The following SPACA1 variants were observed in gnomAD, a reference collection of about 807,000 sequenced individuals.
SPACA1 encodes sperm acrosome membrane-associated protein 1.
In SPACA1, 17 loss-of-function variants were observed where a neutral mutation model predicts 32.6. The observed-to-expected ratio is 0.52, with a 90% CI of 0.36 to 0.78. The LOEUF (loss-of-function observed/expected upper bound fraction) is 0.78, where lower values mean the gene tolerates loss of function less well. SPACA1 is among the 30% of genes least tolerant of loss of function. The pLI is 0.01. For synonymous variants in SPACA1, 140 were observed against 138.1 expected (o/e 1.01, Z -0.10); for missense variants, 363 against 373.4 (o/e 0.97, Z 0.23).
chr6:88,054,335 A>G (rs115490464), intron 2 of SPACA1, among the ~76,000 whole-genome samples: 1 of 151,552 alleles, frequency 6.6e-6, no homozygotes, highest in Non-Finnish European at 1.5e-5. Context: ...ATGTCTTCCC[A>G]CATATTGTGT....
intron 4 of SPACA1, among the ~76,000 whole-genome samples, chr6:88,059,032 A>C (rs1775851587): frequency 6.6e-6 from 1 of 152,244 alleles, no homozygotes; most frequent in Non-Finnish European, 1.5e-5. Flanking sequence ...CTATAATCAG[A>C]ACTTTAAAAC....
At chr6:88,062,922 G>T (rs1775917918) in intron 5 of SPACA1, among the ~76,000 whole-genome samples, 1 of 152,160 alleles carries the variant, frequency 6.6e-6, no homozygotes. Context: ...TTTTAGGAAA[G>T]AAATATAGGA....
At chr6:88,047,742 C>T, upstream of SPACA1, 1 of 715,094 alleles carries the variant, frequency 1.4e-6, no homozygotes, top group Non-Finnish European at 2.2e-6. Context: ...GTTCCAGGCG[C>T]TCAGCACCGG....
chr6:88,047,669 C>CT (rs1775658089), upstream of SPACA1: 3 of 508,434 alleles, frequency 5.9e-6, no homozygotes, highest in East Asian at 3.2e-5. Context: ...CTCCTAGGGA[C>CT]TTGTCGCACG....
At chr6:88,055,994 C>A (rs1034701035) in intron 2 of SPACA1, among the ~76,000 whole-genome samples, 1 of 151,850 alleles carries the variant, frequency 6.6e-6, no homozygotes, top group Non-Finnish European at 1.5e-5. Flanking sequence ...CAAACAACAA[C>A]AAAAAACCTG....
intron 1 of SPACA1, among the ~76,000 whole-genome samples, chr6:88,052,064 A>G (rs1775735625): frequency 6.6e-6 from 1 of 152,252 alleles, no homozygotes; most frequent in African/African-American, 2.4e-5. Context: ...AGAAATTTTG[A>G]CAAATGCCAA....
intron 3 of SPACA1, among the ~76,000 whole-genome samples, chr6:88,058,007 G>C (rs1332421724): frequency 2.0e-5 from 3 of 152,132 alleles, no homozygotes; most frequent in Non-Finnish European, 4.4e-5. Context: ...AAATGCTTTT[G>C]ATGCTTTGGT....
intron 5 of SPACA1, 40 bp downstream of exon 5, chr6:88,059,628 T>A (rs2127800816): frequency 6.4e-7 from 1 of 1,559,066 alleles, no homozygotes; most frequent in Non-Finnish European, 8.7e-7. Context: ...TATATGCCAA[T>A]CTTTAAAGAG....
intron 4 of SPACA1, 26 bp from the exon 5 acceptor site, chr6:88,059,427 T>G: frequency 6.4e-7 from 1 of 1,559,124 alleles, no homozygotes; most frequent in Non-Finnish European, 8.7e-7. Flanking sequence ...ATGTTGATAC[T>G]TTGTTATTTT....
intron 5 of SPACA1, among the ~76,000 whole-genome samples, chr6:88,062,921 A>G (rs550019978): frequency 6.6e-6 from 1 of 152,236 alleles, no homozygotes; most frequent in Non-Finnish European, 1.5e-5. Context: ...GTTTTAGGAA[A>G]GAAATATAGG....
At position 88,049,953 on chromosome 6, in the gene SPACA1, G is replaced by A. The variant is rs577919015; in HGVS notation, c.208+1840G>A. On this transcript the variant is annotated intron_variant, in intron 1 of 6. Coordinates refer to ENST00000237201, the MANE Select transcript of SPACA1 (RefSeq NM_030960.3). ...AACCAACACTTTTGAAAACTACAAA[G>A]GCATATATTTTGTTGAAGAGAAAGC... 2.0e-5 allele frequency among the ~76,000 whole-genome samples: 3 copies of A among 152,128 alleles called. No individual in the cohort carries two copies. In the East Asian group the frequency reaches 5.8e-4, roughly 29 times the overall value.
chr6:88,049,619 AT>A (rs377676930), intron 1 of SPACA1, among the ~76,000 whole-genome samples: 19 of 151,770 alleles, frequency 1.3e-4, no homozygotes, highest in South Asian at 2.1e-4. Context: ...TGGACCTTTA[AT>A]TTTTTTTTAG....
chr6:88,060,897 T>C (rs1582274323), intron 5 of SPACA1, among the ~76,000 whole-genome samples: 1 of 152,200 alleles, frequency 6.6e-6, no homozygotes, highest in East Asian at 1.9e-4. Context: ...GACCCTAAAA[T>C]GTCAGGCCTT....
In SPACA1 at chr6:88,058,868, A is replaced by C. The variant is rs1280309516; in HGVS notation, c.474+46A>C. ...ACCTGGTGCTTTCTAGTGAGTGATA[A>C]AATTTGTTTCTCAGTTCTGATGGCT... On this transcript the variant is annotated intron_variant, in intron 4 of 6. Coordinates refer to ENST00000237201, the MANE Select transcript of SPACA1 (RefSeq NM_030960.3). The C allele has an allele frequency of 3.7e-6, 5 of 1,358,138 alleles. No individual in the cohort carries two copies. In the East Asian group the frequency reaches 9.6e-5, roughly 26 times the overall value. 84.1% of individuals were successfully genotyped at this position (1,358,138 alleles called of 1,614,324 possible).
At chr6:88,053,685 T>C (rs191949855) in intron 1 of SPACA1, among the ~76,000 whole-genome samples, 211 of 152,320 alleles carry the variant, frequency 1.4e-3, no homozygotes, top group African/African-American at 4.8e-3. Flanking sequence ...GAAAAACATT[T>C]TTAAGGTATA....
intron 1 of SPACA1, among the ~76,000 whole-genome samples, chr6:88,051,677 A>C (rs1448572738): frequency 6.6e-6 from 1 of 152,226 alleles, no homozygotes; most frequent in Non-Finnish European, 1.5e-5. Context: ...TATCAAATTA[A>C]GACCACCCAT....
Position 88,059,459 on chromosome 6 carries a change from A to G in SPACA1, c.481A>G (p.Ile161Val), listed in dbSNP as rs751745168. 27 of 1,608,836 alleles carry G rather than the reference A, an allele frequency of 1.7e-5. No homozygotes were observed. Among genetic ancestry groups the G allele is most frequent in the East Asian group, 2.2e-5 (1 of 44,768 alleles). ...TTTTTTTCTTTTTAAATAGCAATCCATTATACTTGTAAATGATTCAGCAAT... is the reference window on the plus strand; with the variant it reads ...TTTTTTTCTTTTTAAATAGCAATCCGTTATACTTGTAAATGATTCAGCAAT... ...WKLLRQDQQS[I>V]ILVNDSAILE... The change falls in exon 5 of 7, where the codon ATT (isoleucine) becomes GTT (valine). Residue 161 changes from isoleucine (I) to valine (V), a missense_variant. By Grantham distance (29) the Ile-to-Val change is conservative. Coordinates refer to ENST00000237201, the MANE Select transcript of SPACA1 (RefSeq NM_030960.3).
chr6:88,066,428 GTTGCGATGGA>G lies in SPACA1; in HGVS notation c.*98_*107del. On this transcript the variant is annotated 3_prime_UTR_variant, in exon 7 of 7. Coordinates refer to ENST00000237201, the MANE Select transcript of SPACA1 (RefSeq NM_030960.3). ...ATACACATTGAAATACTTTAATAATGTTGCGATGGATTGCCACAGTGTGAAGGAAATGCAG... is the reference window on the plus strand; with the variant it reads ...ATACACATTGAAATACTTTAATAATGTTGCCACAGTGTGAAGGAAATGCAG... The G allele has an allele frequency of 8.1e-7, 1 of 1,235,262 alleles. No homozygotes were observed. The highest frequency in any genetic ancestry group is 1.1e-6 in the Non-Finnish European group (1 of 921,558). The allele number at this position is 1,235,262 out of a possible 1,614,324, so 76.5% of individuals were successfully genotyped here.
chr6:88,052,927 TA>T (rs1775751196), intron 1 of SPACA1, among the ~76,000 whole-genome samples: 1 of 152,174 alleles, frequency 6.6e-6, no homozygotes, highest in East Asian at 1.9e-4. Context: ...GTTATCAAAA[TA>T]GGGGAAAAAA....
Sources: allele counts gnomAD v4.1 joint callset (sites outside exome capture counted in the v4.1 genomes callset), GRCh38; gene constraint gnomAD v4.1.1; transcripts MANE v1.5; gene names NCBI Gene and HGNC (gene_info 2026-07-23, HGNC 2026-07-21).